SMYD3: variants seen among roughly 807,000 people sequenced by gnomAD.
The protein encoded by SMYD3 is histone-lysine N-methyltransferase SMYD3.
SMYD3 carries 36 observed loss-of-function variants against 57.7 expected under a neutral mutation model. The observed-to-expected ratio is 0.62, with a 90% CI of 0.48 to 0.82. SMYD3 has a LOEUF of 0.82. SMYD3 is among the 40% of genes least tolerant of loss of function. The pLI, the probability that SMYD3 is intolerant of heterozygous loss-of-function variation, is 0.00. For missense variants in SMYD3, 515 were observed against 538.8 expected (o/e 0.96, Z 0.44); for synonymous variants, 211 against 195.0 (o/e 1.08, Z -0.68).
intron 5 of SMYD3, among the ~76,000 whole-genome samples, chr1:246,307,450 C>G (rs562560485): frequency 1.6e-4 from 21 of 132,866 alleles, no homozygotes; most frequent in South Asian, 7.3e-4. Flanking sequence ...GACGGAGTCT[C>G]GCTCTGTCGC....
chr1:246,466,432 A>C (rs969209210), intron 1 of SMYD3, among the ~76,000 whole-genome samples: 1 of 152,212 alleles, frequency 6.6e-6, no homozygotes, highest in African/African-American at 2.4e-5. Flanking sequence ...AGGAAAAGAA[A>C]ACCAAATACT....
chr1:246,102,755 A>AAAAATAATAAT (rs200094097), intron 5 of SMYD3, among the ~76,000 whole-genome samples: 19 of 146,922 alleles, frequency 1.3e-4, no homozygotes, highest in African/African-American at 4.8e-4. Context: ...AAAAAAAAAA[A>AAAAATAATAAT]AATAATAATA....
chr1:246,140,733 C>T (rs2061740201), intron 5 of SMYD3, among the ~76,000 whole-genome samples: 1 of 152,148 alleles, frequency 6.6e-6, no homozygotes, highest in Non-Finnish European at 1.5e-5. Context: ...CTGCCTCAGC[C>T]TCCCAAGTAG....
At chr1:246,350,053 T>A (rs1408986815) in intron 2 of SMYD3, among the ~76,000 whole-genome samples, 1 of 152,180 alleles carries the variant, frequency 6.6e-6, no homozygotes, top group Non-Finnish European at 1.5e-5. Context: ...ATAAATAGAT[T>A]AAATGTACAT....
chr1:246,327,433 C>A, intron 4 of SMYD3, 96 bp from the exon 5 acceptor site: 2 of 1,066,202 alleles, frequency 1.9e-6, no homozygotes, highest in South Asian at 1.6e-5. Flanking sequence ...CAGATATTTC[C>A]TACCTTACAT....
chr1:246,328,526 T>C (rs1035375452), intron 4 of SMYD3, among the ~76,000 whole-genome samples: 1 of 152,160 alleles, frequency 6.6e-6, no homozygotes, highest in Non-Finnish European at 1.5e-5. Context: ...CTTGAAAAGA[T>C]ACATCAAGTT....
chr1:245,752,496 C>G (rs149661994), intron 11 of SMYD3, among the ~76,000 whole-genome samples: 6 of 151,880 alleles, frequency 4.0e-5, no homozygotes, highest in African/African-American at 1.5e-4. Context: ...CTTGTCACTT[C>G]AACAACATAA....
intron 5 of SMYD3, among the ~76,000 whole-genome samples, chr1:246,226,826 T>C (rs1290881785): frequency 6.6e-6 from 1 of 152,220 alleles, no homozygotes; most frequent in Non-Finnish European, 1.5e-5. Flanking sequence ...TTAAATATAT[T>C]TTCTATGAAA....
At chr1:246,100,162 G>C (rs963145663) in intron 5 of SMYD3, among the ~76,000 whole-genome samples, 5 of 152,168 alleles carry the variant, frequency 3.3e-5, no homozygotes, top group African/African-American at 1.2e-4. Flanking sequence ...GGTGAGCTAT[G>C]GTTGCGCCAT....
chr1:246,305,347 C>A (rs1255005153), intron 5 of SMYD3, among the ~76,000 whole-genome samples: 1 of 152,112 alleles, frequency 6.6e-6, no homozygotes, highest in Non-Finnish European at 1.5e-5. Context: ...TCAACACAAG[C>A]CTCAGCAGAA....
chr1:246,113,752 T>C (rs1382955401), intron 5 of SMYD3: 3 of 152,246 alleles, frequency 2.0e-5, no homozygotes, highest in Non-Finnish European at 4.4e-5. Flanking sequence ...AGCATCTGAA[T>C]GGTCATGACT....
At chr1:246,279,350 A>G (rs557635609) in intron 5 of SMYD3, among the ~76,000 whole-genome samples, 13 of 151,928 alleles carry the variant, frequency 8.6e-5, no homozygotes, top group Non-Finnish European at 1.8e-4. Flanking sequence ...GCGAAACCCC[A>G]TCTCTACTAA....
intron 8 of SMYD3, among the ~76,000 whole-genome samples, chr1:245,890,893 A>G (rs2053345461): frequency 6.6e-6 from 1 of 152,250 alleles, no homozygotes; most frequent in African/African-American, 2.4e-5. Context: ...GCCATAAACA[A>G]GAATGAGATC....
At chr1:245,868,177 G>T (rs557571440) in intron 8 of SMYD3, among the ~76,000 whole-genome samples, 1 of 152,256 alleles carries the variant, frequency 6.6e-6, no homozygotes, top group East Asian at 1.9e-4. Flanking sequence ...ACCAATACTT[G>T]TTATTTACAG....
chr1:246,269,051 T>A (rs1037917813), intron 5 of SMYD3, among the ~76,000 whole-genome samples: 1 of 152,184 alleles, frequency 6.6e-6, no homozygotes, highest in Admixed American at 6.5e-5. Flanking sequence ...TGAATCTAAT[T>A]AATAAATAAA....
intron 5 of SMYD3, among the ~76,000 whole-genome samples, chr1:246,000,731 G>A (rs2059023895): frequency 6.6e-6 from 1 of 152,152 alleles, no homozygotes; most frequent in South Asian, 2.1e-4. Flanking sequence ...TAAAATACAA[G>A]GCCTACAAGC....
At chr1:246,110,407 AG>A (rs1361489495) in intron 5 of SMYD3, among the ~76,000 whole-genome samples, 4 of 152,232 alleles carry the variant, frequency 2.6e-5, no homozygotes, top group Non-Finnish European at 5.9e-5. Context: ...GACAGCTGAA[AG>A]AACACTCAGG....
chr1:246,286,863 A>C (rs1277286929), intron 5 of SMYD3, among the ~76,000 whole-genome samples: 1 of 150,998 alleles, frequency 6.6e-6, no homozygotes, highest in East Asian at 2.0e-4. Context: ...AGATATAATA[A>C]AAAAATCTTT....
intron 1 of SMYD3, among the ~76,000 whole-genome samples, chr1:246,500,850 G>A (rs1351547345): frequency 6.6e-6 from 1 of 152,144 alleles, no homozygotes; most frequent in Non-Finnish European, 1.5e-5. Flanking sequence ...TTTTCACCAG[G>A]GCTCAGCCAT....
Sources: gnomAD v4.1 joint callset for allele counts (sites outside exome capture counted in the v4.1 genomes callset) on GRCh38, gnomAD v4.1.1 for gene constraint, MANE v1.5 for transcripts, NCBI Gene and HGNC (gene_info 2026-07-23, HGNC 2026-07-21) for gene names.